The following BACH2 variants were observed in gnomAD, a reference collection of about 807,000 sequenced individuals.
BACH2 encodes BACH transcriptional regulator 2.
BACH2 carries 5 observed loss-of-function variants against 61.8 expected under a neutral mutation model. The ratio of observed to expected loss-of-function variants is 0.08; its 90% CI spans 0.04 to 0.17. The LOEUF (loss-of-function observed/expected upper bound fraction) is 0.17. Ranked by LOEUF, BACH2 falls within the 10% of genes least tolerant of loss-of-function variation. The probability of loss-of-function intolerance (pLI) is 1.00; values close to 1 mark genes in which losing one functional copy is unlikely to be tolerated. For missense variants in BACH2, 824 were observed against 1,091.1 expected (o/e 0.76, Z 3.45); for synonymous variants, 446 against 440.1 (o/e 1.01, Z -0.17).
chr6:90,258,243 G>A (rs1444002475), intron 2 of BACH2, among the ~76,000 whole-genome samples: 1 of 152,094 alleles, frequency 6.6e-6, no homozygotes, highest in Non-Finnish European at 1.5e-5. Context: ...ATTTTTGTAT[G>A]TGGTATACGA....
chr6:90,184,503 C>T (rs1338153682), intron 4 of BACH2, among the ~76,000 whole-genome samples: 1 of 152,202 alleles, frequency 6.6e-6, no homozygotes, highest in Non-Finnish European at 1.5e-5. Context: ...TGCTTTCCTG[C>T]CACTCACCCA....
intron 4 of BACH2, among the ~76,000 whole-genome samples, chr6:90,202,785 C>T (rs1462305054): frequency 6.6e-6 from 1 of 152,156 alleles, no homozygotes; most frequent in African/African-American, 2.4e-5. Context: ...AAAGTTGCTA[C>T]TAAGAAGGAA....
chr6:90,264,261 T>A (rs1405883087), intron 2 of BACH2, among the ~76,000 whole-genome samples: 1 of 152,212 alleles, frequency 6.6e-6, no homozygotes, highest in South Asian at 2.1e-4. Flanking sequence ...GAAAATGTTC[T>A]TATTCTTCAG....
At position 90,060,131 on chromosome 6, in the gene BACH2, T is replaced by TAA. The variant is rs553422919; in HGVS notation, c.-13+28828_-13+28829dup. 9.0e-5 allele frequency among the ~76,000 whole-genome samples: 12 copies of TAA among 134,006 alleles called. No individual in the cohort carries two copies. The East Asian group carries it at 1.5e-3, about 16-fold the overall frequency. The allele number at this position is 134,006 out of a possible 152,430, so 87.9% of individuals were successfully genotyped here. ...CCTAAAACTTAAAGTATAATAACAG[T>TAA]AAAAAAAAAAACAAAGAAAACAAAC... On this transcript the variant is annotated intron_variant, in intron 5 of 8. Transcript: ENST00000257749.
At chr6:89,992,742 A>G (rs1776646822) in intron 6 of BACH2, among the ~76,000 whole-genome samples, 1 of 152,240 alleles carries the variant, frequency 6.6e-6, no homozygotes. Flanking sequence ...GCTACACAGT[A>G]CATGATTGAT....
intron 4 of BACH2, among the ~76,000 whole-genome samples, chr6:90,140,011 C>T (rs1436244226): frequency 6.6e-6 from 1 of 152,140 alleles, no homozygotes; most frequent in Non-Finnish European, 1.5e-5. Flanking sequence ...TCATCAGGAC[C>T]CAAGCTCCTG....
chr6:90,055,442 G>T (rs1022701042), intron 5 of BACH2, among the ~76,000 whole-genome samples: 3 of 152,064 alleles, frequency 2.0e-5, no homozygotes, highest in Non-Finnish European at 4.4e-5. Context: ...AAAAAGAAAC[G>T]AACAAAGCCT....
intron 6 of BACH2, among the ~76,000 whole-genome samples, chr6:90,001,056 G>T (rs1296846394): frequency 6.6e-6 from 1 of 152,068 alleles, no homozygotes; most frequent in East Asian, 1.9e-4. Context: ...GGATCTCAGA[G>T]ATCATCCAGC....
intron 1 of BACH2, among the ~76,000 whole-genome samples, chr6:90,275,796 T>C (rs1300618640): frequency 1.3e-5 from 2 of 151,984 alleles, no homozygotes; most frequent in Non-Finnish European, 2.9e-5. Context: ...GCCAATATGG[T>C]GAAACCCAGT....
chr6:90,007,054 T>C (rs982265439), intron 6 of BACH2, among the ~76,000 whole-genome samples: 1 of 151,792 alleles, frequency 6.6e-6, no homozygotes, highest in African/African-American at 2.4e-5. Context: ...CAAACACAAA[T>C]AGTGTTTTAA....
intron 6 of BACH2, among the ~76,000 whole-genome samples, chr6:89,982,935 T>C (rs1169646337): frequency 6.6e-6 from 1 of 152,164 alleles, no homozygotes; most frequent in Non-Finnish European, 1.5e-5. Flanking sequence ...ATTTTGATGA[T>C]TACCCTTAAC....
chr6:89,965,136 C>T (rs927974597), intron 6 of BACH2, among the ~76,000 whole-genome samples: 1 of 152,208 alleles, frequency 6.6e-6, no homozygotes, highest in Admixed American at 6.5e-5. Context: ...ATCCACCCGC[C>T]TGGGCCTTCT....
At chr6:90,287,601 A>C (rs1416838268) in intron 1 of BACH2, among the ~76,000 whole-genome samples, 1 of 152,156 alleles carries the variant, frequency 6.6e-6, no homozygotes, top group Non-Finnish European at 1.5e-5. Context: ...ATTAAAAATA[A>C]TCTTCTCTTT....
intron 4 of BACH2, among the ~76,000 whole-genome samples, chr6:90,140,600 A>T (rs1784428894): frequency 6.6e-6 from 1 of 152,244 alleles, no homozygotes; most frequent in Non-Finnish European, 1.5e-5. Flanking sequence ...AGGTGGTAGC[A>T]AATATTTTCA....
intron 5 of BACH2, among the ~76,000 whole-genome samples, chr6:90,051,439 A>G (rs1237045390): frequency 6.6e-6 from 1 of 152,224 alleles, no homozygotes; most frequent in Non-Finnish European, 1.5e-5. Flanking sequence ...ATAGGAACAG[A>G]GCTCTATCCA....
intron 3 of BACH2, among the ~76,000 whole-genome samples, chr6:90,223,663 T>C (rs1418945518): frequency 6.6e-6 from 1 of 151,736 alleles, no homozygotes; most frequent in Non-Finnish European, 1.5e-5. Context: ...TAAGTAGAGA[T>C]AGGGTTTTGC....
intron 5 of BACH2, among the ~76,000 whole-genome samples, chr6:90,031,353 G>C (rs1273914083): frequency 6.6e-6 from 1 of 152,086 alleles, no homozygotes; most frequent in East Asian, 1.9e-4. Context: ...GTTCTGGCCA[G>C]GGCAACCAGG....
At chr6:89,999,167 T>C (rs1777002267) in intron 6 of BACH2, among the ~76,000 whole-genome samples, 1 of 152,236 alleles carries the variant, frequency 6.6e-6, no homozygotes, top group African/African-American at 2.4e-5. Context: ...AGAAATGAGA[T>C]ACATAATCAA....
At chr6:90,067,751 C>T (rs921946956) in intron 5 of BACH2, among the ~76,000 whole-genome samples, 6 of 152,144 alleles carry the variant, frequency 3.9e-5, no homozygotes, top group African/African-American at 1.4e-4. Context: ...TGGTAATCGG[C>T]TGTGCACAAG....
Sources: allele counts gnomAD v4.1 joint callset (sites outside exome capture counted in the v4.1 genomes callset), GRCh38; gene constraint gnomAD v4.1.1; transcripts MANE v1.5; gene names NCBI Gene and HGNC (gene_info 2026-07-23, HGNC 2026-07-21).